The following CSMD3 variants were observed in gnomAD, a reference collection of about 807,000 sequenced individuals.
CSMD3 encodes CUB and sushi domain-containing protein 3.
In CSMD3, 177 loss-of-function variants were observed where a neutral mutation model predicts 435.2. The observed-to-expected ratio is 0.41, with a 90% confidence interval of 0.36 to 0.46. The LOEUF is 0.46. Among genes scored for constraint, CSMD3 ranks in the 20% least tolerant of loss-of-function variants. CSMD3 has a pLI of 0.34. For missense variants in CSMD3, 4,265 were observed against 4,504.6 expected, an observed-to-expected ratio of 0.95 and a Z score of 1.52; for synonymous variants, 1,656 against 1,520.5, an observed-to-expected ratio of 1.09 and a Z score of -2.07.
rs183894332 is a variant in CSMD3 at position 113,043,871 on chromosome 8, T to C, written c.918-24692A>G. On this transcript the variant is annotated intron_variant, in intron 5 of 70. Transcript: ENST00000297405. ...GCTGTGATATAAAATTAGACAAATA[T>C]GATTTTATAAGCACATACATGAGAA... 5.6e-4 allele frequency among the ~76,000 whole-genome samples: 85 copies of C among 152,170 alleles called. No individual in the cohort carries two copies. The East Asian group carries it at 0.013, about 24-fold the overall frequency.
Position 113,381,479 on chromosome 8 carries a change from G to C in CSMD3, c.178+55198C>G, listed in dbSNP as rs73341966. On this transcript the variant is annotated intron_variant, in intron 1 of 70. Transcript: ENST00000297405. Reference sequence around the variant, plus strand: ...CATTCAGAGTTTTTGAAGGGCTTGAGCAAATGCAAGGCTCCAAAGCTTAAA... The same window carrying C: ...CATTCAGAGTTTTTGAAGGGCTTGACCAAATGCAAGGCTCCAAAGCTTAAA... Among the ~76,000 whole-genome samples the C allele has an allele frequency of 3.5e-3, 537 of 152,052 alleles. 2 individuals are homozygous for C. Among genetic ancestry groups the C allele is most frequent in the African/African-American group, 0.012 (500 of 41,388 alleles).
chr8:113,144,559 G>A (rs528529964), intron 4 of CSMD3, among the ~76,000 whole-genome samples: 9 of 151,550 alleles, frequency 5.9e-5, no homozygotes, highest in Non-Finnish European at 7.4e-5. Context: ...TAGATCTGCC[G>A]TTAATTATGT....
intron 1 of CSMD3, among the ~76,000 whole-genome samples, chr8:113,342,265 G>A (rs1286819458): frequency 6.6e-6 from 1 of 151,986 alleles, no homozygotes; most frequent in Admixed American, 6.6e-5. Flanking sequence ...AACATCAAAG[G>A]GAAAGAACTG....
intron 32 of CSMD3, among the ~76,000 whole-genome samples, chr8:112,439,567 C>T (rs62516465): frequency 0.19 from 28,162 of 151,976 alleles, 3,202 homozygotes; most frequent in Middle Eastern, 0.36. Context: ...TTGTACTAGT[C>T]CATTCTCACA....
chr8:112,349,859 T>A (rs1464903355), intron 40 of CSMD3, among the ~76,000 whole-genome samples: 1 of 152,190 alleles, frequency 6.6e-6, no homozygotes, highest in Non-Finnish European at 1.5e-5. Flanking sequence ...TACGCAGATG[T>A]TGTGGACTTA....
chr8:112,588,050 C>A (rs76363993), intron 22 of CSMD3, among the ~76,000 whole-genome samples: 1,686 of 151,662 alleles, frequency 0.011, 15 homozygotes, highest in Non-Finnish European at 0.017. Flanking sequence ...AACAATAAGT[C>A]CTTCAAATTC....
At chr8:113,335,927 G>A (rs780333869) in intron 1 of CSMD3, among the ~76,000 whole-genome samples, 1 of 151,568 alleles carries the variant, frequency 6.6e-6, no homozygotes, top group Non-Finnish European at 1.5e-5. Flanking sequence ...TCCATTTTGG[G>A]GTATACTCAG....
chr8:112,876,077 G>A (rs1190604414), intron 10 of CSMD3, among the ~76,000 whole-genome samples: 8 of 151,784 alleles, frequency 5.3e-5, no homozygotes, highest in East Asian at 1.9e-4. Flanking sequence ...CTTTGATGTC[G>A]GTGACCTTCT....
intron 2 of CSMD3, among the ~76,000 whole-genome samples, chr8:113,300,162 C>CAAAAAAAAAA (rs34291122): frequency 1.7e-5 from 2 of 116,584 alleles, no homozygotes; most frequent in Non-Finnish European, 1.7e-5. Flanking sequence ...TCAAAAAAGT[C>CAAAAAAAAAA]AAAAAAAAAA....
chr8:113,008,463 A>G (rs1208227494), intron 6 of CSMD3, among the ~76,000 whole-genome samples: 2 of 151,868 alleles, frequency 1.3e-5, no homozygotes, highest in East Asian at 3.8e-4. Context: ...TGAATAATCA[A>G]TATGGTAGCC....
intron 16 of CSMD3, among the ~76,000 whole-genome samples, chr8:112,678,274 A>C (rs1232829948): frequency 6.6e-6 from 1 of 152,162 alleles, no homozygotes; most frequent in Non-Finnish European, 1.5e-5. Context: ...AGAGGACATA[A>C]ATATCTAGAT....
At chr8:112,847,715 C>T (rs540475634) in intron 11 of CSMD3, among the ~76,000 whole-genome samples, 24 of 152,086 alleles carry the variant, frequency 1.6e-4, no homozygotes, top group East Asian at 5.8e-4. Flanking sequence ...AAATATTTGG[C>T]GCAAAGAACT....
At chr8:113,423,473 T>C (rs1003333990) in intron 1 of CSMD3, among the ~76,000 whole-genome samples, 2 of 152,022 alleles carry the variant, frequency 1.3e-5, no homozygotes, top group Admixed American at 1.3e-4. Flanking sequence ...TCAGTGATAC[T>C]TTGAAATTGA....
chr8:112,226,253 C>A (rs567890120), intron 70 of CSMD3, among the ~76,000 whole-genome samples: 1 of 152,194 alleles, frequency 6.6e-6, no homozygotes, highest in Non-Finnish European at 1.5e-5. Flanking sequence ...TATAACTCTA[C>A]TGGATCATAT....
In CSMD3 at chr8:112,732,956, C is replaced by A. The variant is rs147733548; in HGVS notation, c.1973-42906G>T. On this transcript the variant is annotated intron_variant, in intron 13 of 70. Coordinates refer to ENST00000297405, the MANE Select transcript of CSMD3 (RefSeq NM_198123.2). ...CTAAATGCAATATGAAAAGTAAACACAATTTATTTCAACTTAACTTGATCT... is the reference window on the plus strand; with the variant it reads ...CTAAATGCAATATGAAAAGTAAACAAAATTTATTTCAACTTAACTTGATCT... Among the ~76,000 whole-genome samples the A allele has an allele frequency of 4.9e-4, 75 of 152,124 alleles. No individual in the cohort carries two copies. In the East Asian group the frequency reaches 0.013, roughly 26 times the overall value.
chr8:113,156,934 AAGAGAGAGAG>A (rs58581247), intron 4 of CSMD3, among the ~76,000 whole-genome samples: 5 of 147,780 alleles, frequency 3.4e-5, no homozygotes, highest in African/African-American at 1.0e-4. Flanking sequence ...TTTGTCTCAA[AAGAGAGAGAG>A]AGAGAGAGAG....
At chr8:112,504,059 A>C in intron 29 of CSMD3, 82 bp from the exon 30 acceptor site, 1 of 861,194 alleles carries the variant, frequency 1.2e-6, no homozygotes. Flanking sequence ...ATAGTTATAT[A>C]ATCAAACATT....
chr8:113,176,581 A>C (rs59398525), intron 3 of CSMD3, among the ~76,000 whole-genome samples: 53,997 of 152,010 alleles, frequency 0.36, 10,600 homozygotes, highest in East Asian at 0.7. Flanking sequence ...TTAAGTAATA[A>C]AAAGTTTTAG....
chr8:112,435,719 G>A lies in CSMD3; in HGVS notation c.5396-26687C>T, dbSNP rs903665814. ...ACAGATGGGGCACATTTTTTAACTT[G>A]TATACTTTCAAGATAACTTAAAAAA... On this transcript the variant is annotated intron_variant, in intron 32 of 70. Coordinates refer to ENST00000297405, the MANE Select transcript of CSMD3 (RefSeq NM_198123.2). Among the ~76,000 whole-genome samples, 4 of 151,896 alleles carry A rather than the reference G, an allele frequency of 2.6e-5. No homozygotes were observed. In the East Asian group the frequency reaches 7.7e-4, roughly 29 times the overall value.
Sources: allele counts gnomAD v4.1 joint callset (sites outside exome capture counted in the v4.1 genomes callset), GRCh38; gene constraint gnomAD v4.1.1; transcripts MANE v1.5; gene names NCBI Gene and HGNC (gene_info 2026-07-23, HGNC 2026-07-21).